The following CNTN5 variants were observed in gnomAD, a reference collection of about 807,000 sequenced individuals.
CNTN5 encodes contactin 5.
CNTN5 carries 77 observed loss-of-function variants against 129.1 expected under a neutral mutation model. That is an observed-to-expected ratio of 0.60 (90% CI 0.50 to 0.72). The LOEUF is 0.72. CNTN5 is among the 30% of genes least tolerant of loss of function. The probability of loss-of-function intolerance (pLI) is 0.00; values close to 1 mark genes in which losing one functional copy is unlikely to be tolerated. For missense variants in CNTN5, 1,478 were observed against 1,328.8 expected, an observed-to-expected ratio of 1.11 and a Z score of -1.75; for synonymous variants, 509 against 465.6, an observed-to-expected ratio of 1.09 and a Z score of -1.20.
chr11:99,729,111 A>T (rs1300702545), intron 3 of CNTN5, among the ~76,000 whole-genome samples: 2 of 152,172 alleles, frequency 1.3e-5, no homozygotes, highest in South Asian at 2.1e-4. Flanking sequence ...CAGTAGAAAG[A>T]TAGGCATCTT....
chr11:99,407,753 T>C (rs889542727), intron 2 of CNTN5, among the ~76,000 whole-genome samples: 12 of 152,194 alleles, frequency 7.9e-5, no homozygotes, highest in African/African-American at 2.7e-4. Context: ...TTAGAATCTG[T>C]AACTCCCCCC....
intron 3 of CNTN5, among the ~76,000 whole-genome samples, chr11:99,630,935 C>T (rs1359361610): frequency 5.3e-5 from 8 of 152,126 alleles, no homozygotes; most frequent in African/African-American, 1.4e-4. Flanking sequence ...CCTAACTCAT[C>T]CCTCATCCTC....
chr11:99,990,306 C>T (rs116879276), intron 8 of CNTN5, among the ~76,000 whole-genome samples: 155 of 151,834 alleles, frequency 1.0e-3, no homozygotes, highest in Non-Finnish European at 1.6e-3. Flanking sequence ...TAAGCCAGCC[C>T]CTTGATCAAT....
At chr11:99,489,085 CT>C (rs1300338427) in intron 2 of CNTN5, among the ~76,000 whole-genome samples, 2 of 151,962 alleles carry the variant, frequency 1.3e-5, no homozygotes, top group Non-Finnish European at 2.9e-5. Flanking sequence ...AATACCCTTG[CT>C]TTTCTTTTCT....
At chr11:100,193,417 T>A in intron 14 of CNTN5, 71 bp from the exon 15 acceptor site, 1 of 1,028,070 alleles carries the variant, frequency 9.7e-7, no homozygotes, top group Non-Finnish European at 1.4e-6. Flanking sequence ...TCTCAATTAT[T>A]TCAAGCAAAA....
intron 2 of CNTN5, among the ~76,000 whole-genome samples, chr11:99,366,554 A>C (rs1939455625): frequency 6.6e-6 from 1 of 152,156 alleles, no homozygotes; most frequent in South Asian, 2.1e-4. Flanking sequence ...CTTTGACTTT[A>C]AAGAAGATTA....
At chr11:100,187,125 A>G (rs2138482618) in intron 13 of CNTN5, among the ~76,000 whole-genome samples, 1 of 152,202 alleles carries the variant, frequency 6.6e-6, no homozygotes. Context: ...TTAGTTACAT[A>G]TAGTCCTAGG....
chr11:100,001,939 A>G, intron 8 of CNTN5, 95 bp from the exon 9 acceptor site: 3 of 888,276 alleles, frequency 3.4e-6, no homozygotes, highest in Admixed American at 3.0e-5. Context: ...GACATTAACA[A>G]CCAAACCACA....
intron 8 of CNTN5, among the ~76,000 whole-genome samples, chr11:99,971,463 A>C (rs1283446808): frequency 6.6e-6 from 1 of 151,834 alleles, no homozygotes; most frequent in Non-Finnish European, 1.5e-5. Flanking sequence ...AAATCGCTTG[A>C]ACCCGAGAGG....
At position 100,037,804 on chromosome 11, in the gene CNTN5, C is replaced by T. The variant is rs186739660; in HGVS notation, c.981-23408C>T. On this transcript the variant is annotated intron_variant, in intron 9 of 24. Coordinates refer to ENST00000524871, the MANE Select transcript of CNTN5 (RefSeq NM_014361.4). ...ATGGTAGTTTGTATATCTGTGGGAT[C>T]GGTGGTGATATCCCCTTTATCATTT... 7.6e-3 allele frequency among the ~76,000 whole-genome samples: 1,156 copies of T among 152,082 alleles called. 10 individuals carry two copies. The highest frequency in any genetic ancestry group is 0.01 in the Middle Eastern group (3 of 294).
chr11:99,666,217 C>T (rs544400798), intron 3 of CNTN5, among the ~76,000 whole-genome samples: 1 of 152,300 alleles, frequency 6.6e-6, no homozygotes, highest in Admixed American at 6.5e-5. Flanking sequence ...ATCCGCCTGC[C>T]TGTGCCTCCC....
chr11:99,867,867 A>AGTT (rs756061769), intron 6 of CNTN5, among the ~76,000 whole-genome samples: 1 of 152,202 alleles, frequency 6.6e-6, no homozygotes, highest in Non-Finnish European at 1.5e-5. Context: ...AAAACAGGAA[A>AGTT]TTGCCCAGGT....
intron 2 of CNTN5, among the ~76,000 whole-genome samples, chr11:99,461,782 C>A (rs1237220265): frequency 6.6e-6 from 1 of 151,990 alleles, no homozygotes; most frequent in Non-Finnish European, 1.5e-5. Context: ...AGTGCTAACA[C>A]TTTCAAGAAT....
intron 8 of CNTN5, among the ~76,000 whole-genome samples, chr11:99,984,213 G>C (rs1224718020): frequency 6.6e-6 from 1 of 152,058 alleles, no homozygotes; most frequent in Non-Finnish European, 1.5e-5. Context: ...GGAGGTGGAG[G>C]CTGCAGTGAG....
At chr11:100,265,863 G>C (rs937485646) in intron 17 of CNTN5, among the ~76,000 whole-genome samples, 1 of 152,118 alleles carries the variant, frequency 6.6e-6, no homozygotes, top group African/African-American at 2.4e-5. Flanking sequence ...TTTTGACTTA[G>C]AAACCTGACT....
chr11:99,172,362 A>C (rs1218697339), intron 1 of CNTN5, among the ~76,000 whole-genome samples: 1 of 152,200 alleles, frequency 6.6e-6, no homozygotes, highest in Non-Finnish European at 1.5e-5. Context: ...CGTATCCAAG[A>C]TTTCCATTTT....
chr11:100,258,817 A>T (rs1372973689), intron 17 of CNTN5, among the ~76,000 whole-genome samples: 1 of 152,202 alleles, frequency 6.6e-6, no homozygotes, highest in Non-Finnish European at 1.5e-5. Context: ...GAAAGGAAAA[A>T]ACCCATACAG....
intron 13 of CNTN5, among the ~76,000 whole-genome samples, chr11:100,183,563 C>A (rs555953065): frequency 1.3e-5 from 2 of 152,116 alleles, no homozygotes; most frequent in Admixed American, 1.3e-4. Flanking sequence ...TAGAAAAATG[C>A]AAACTAACTT....
chr11:99,510,126 T>G (rs2135408498), intron 2 of CNTN5, among the ~76,000 whole-genome samples: 1 of 152,194 alleles, frequency 6.6e-6, no homozygotes, highest in South Asian at 2.1e-4. Context: ...TATTTTAGCC[T>G]TTATAATTAT....
Sources: allele counts gnomAD v4.1 joint callset (sites outside exome capture counted in the v4.1 genomes callset), GRCh38; gene constraint gnomAD v4.1.1; transcripts MANE v1.5; gene names NCBI Gene and HGNC (gene_info 2026-07-23, HGNC 2026-07-21).